The following PDE8B variants were observed in gnomAD, a reference collection of about 807,000 sequenced individuals.
PDE8B encodes the protein phosphodiesterase 8B, also known as high affinity cAMP-specific and IBMX-insensitive 3',5'-cyclic phosphodiesterase 8B.
A neutral mutation model predicts 101.3 loss-of-function variants in PDE8B; 26 were observed. That is an observed-to-expected ratio of 0.26 (90% confidence interval 0.19 to 0.36). The LOEUF (loss-of-function observed/expected upper bound fraction) is 0.36. PDE8B is among the 10% of genes least tolerant of loss of function. PDE8B has a pLI of 1.00. For synonymous variants in PDE8B, 424 were observed against 429.3 expected, an observed-to-expected ratio of 0.99 and a Z score of 0.15; for missense variants, 810 against 1,163.1, an observed-to-expected ratio of 0.70 and a Z score of 4.42.
chr5:77,240,754 GAAAT>G lies in PDE8B; in HGVS notation c.339+29494_339+29497del, dbSNP rs1319465460. Among the ~76,000 whole-genome samples, 3 of 152,168 alleles carry G rather than the reference GAAAT, an allele frequency of 2.0e-5. No individual in the cohort carries two copies. The East Asian group carries it at 5.8e-4, about 29-fold the overall frequency. On this transcript the variant is annotated intron_variant, in intron 1 of 21. Coordinates refer to ENST00000264917, the MANE Select transcript of PDE8B (RefSeq NM_003719.5). The stretch of plus-strand genomic sequence containing the variant: ...TTTTATGCAATAAGTGTTGTGAAAG[GAAAT>G]AAAGAAAGAAAAATACATAACTCTT...
In PDE8B at chr5:77,290,786, T is replaced by C. The variant is rs868535167; in HGVS notation, c.340-21208T>C. The stretch of plus-strand genomic sequence containing the variant: ...CATTCAATTTCCCTGTGGCAGTGTA[T>C]GGTTGGAACAACGCCATTGTCATGA... On this transcript the variant is annotated intron_variant, in intron 1 of 21. Coordinates refer to ENST00000264917, the MANE Select transcript of PDE8B (RefSeq NM_003719.5). The C allele has an allele frequency of 4.3e-5, 63 of 1,480,522 alleles. No homozygotes were observed. In the South Asian group the frequency reaches 5.1e-4, roughly 12 times the overall value. 91.7% of individuals were successfully genotyped at this position (1,480,522 alleles called of 1,614,324 possible).
At chr5:77,183,582 T>C in the PDE8B span, among the ~76,000 whole-genome samples, 2 of 152,220 alleles carry the variant, frequency 1.3e-5, no homozygotes, top group African/African-American at 4.8e-5. Context: ...GCCTACTACG[T>C]GTCAGATGCT....
chr5:77,146,886 C>A, the PDE8B span: 1 of 377,270 alleles, frequency 2.7e-6, no homozygotes, highest in Non-Finnish European at 5.3e-6. Flanking sequence ...TTTTCTTGTT[C>A]TGTTCTGAGT....
At chr5:77,372,219 C>CAAT (rs1785196778) in intron 10 of PDE8B, among the ~76,000 whole-genome samples, 1 of 152,042 alleles carries the variant, frequency 6.6e-6, no homozygotes, top group African/African-American at 2.4e-5. Flanking sequence ...ACAACAACAA[C>CAAT]AACAACAACA....
At chr5:77,421,348 T>A (rs1456169560) in intron 19 of PDE8B, among the ~76,000 whole-genome samples, 4 of 152,200 alleles carry the variant, frequency 2.6e-5, no homozygotes, top group African/African-American at 9.6e-5. Flanking sequence ...TAGGCATAAG[T>A]AGTAGAAATC....
intron 17 of PDE8B, among the ~76,000 whole-genome samples, chr5:77,414,940 A>G (rs966183321): frequency 1.3e-5 from 2 of 152,214 alleles, no homozygotes; most frequent in African/African-American, 2.4e-5. Context: ...TAACTTGATC[A>G]TATCTTACTA....
the PDE8B span, among the ~76,000 whole-genome samples, chr5:77,103,569 C>T: frequency 6.6e-6 from 1 of 152,160 alleles, no homozygotes; most frequent in East Asian, 1.9e-4. Flanking sequence ...GAACTTTGGG[C>T]ACTCTTGATG....
intron 19 of PDE8B, among the ~76,000 whole-genome samples, chr5:77,420,605 A>T (rs11738226): frequency 0.29 from 43,682 of 151,948 alleles, 6,537 homozygotes; most frequent in South Asian, 0.42. Flanking sequence ...AAGGAGATGA[A>T]CTGTGTAGGA....
In PDE8B at chr5:77,427,980, C is replaced by T. The variant is rs1344488380; in HGVS notation, c.*1426C>T. On this transcript the variant is annotated 3_prime_UTR_variant, in exon 22 of 22. Transcript: ENST00000264917. Reference sequence around the variant, plus strand: ...TACATGGGGAAAAAATGACTTATCACTACATAATGTGCCAATGTTTTTTTC... The same window carrying T: ...TACATGGGGAAAAAATGACTTATCATTACATAATGTGCCAATGTTTTTTTC... 1 of 152,170 alleles carries T rather than the reference C, an allele frequency of 6.6e-6. No individual in the cohort carries two copies. The highest frequency in any genetic ancestry group is 1.5e-5 in the Non-Finnish European group (1 of 68,038). The allele number at this position is 152,170 out of a possible 1,614,324, so 9.4% of individuals were successfully genotyped here.
intron 16 of PDE8B, 112 bp downstream of exon 16, chr5:77,412,347 C>A (rs1473054417): frequency 5.7e-6 from 6 of 1,060,566 alleles, no homozygotes; most frequent in Non-Finnish European, 8.6e-6. Context: ...CTCACGGGTT[C>A]TGGCTCTCAT....
chr5:77,256,633 TGG>T (rs1759238263), intron 1 of PDE8B, among the ~76,000 whole-genome samples: 1 of 152,204 alleles, frequency 6.6e-6, no homozygotes, highest in Admixed American at 6.5e-5. Flanking sequence ...ATAACTTCTA[TGG>T]TGTGTCCTGG....
chr5:77,113,760 C>T, the PDE8B span: 3 of 152,188 alleles, frequency 2.0e-5, no homozygotes, highest in Admixed American at 2.0e-4. Context: ...TTGCAATCTA[C>T]CCATCTGCCA....
chr5:77,185,496 C>T, the PDE8B span, among the ~76,000 whole-genome samples: 1 of 152,086 alleles, frequency 6.6e-6, no homozygotes, highest in Non-Finnish European at 1.5e-5. Flanking sequence ...AAAATTAATT[C>T]CTCTTTAAAG....
rs189859626 is a variant in PDE8B at position 77,291,753 on chromosome 5, A to G, written c.340-20241A>G. ...GTACATGAGAAGGTCTACTTGTACT[A>G]TCAACTACAGTAAAGACTTTCCTCT... On this transcript the variant is annotated intron_variant, in intron 1 of 21. Transcript: ENST00000264917. 2.5e-6 allele frequency: 4 copies of G among 1,584,502 alleles called. 1 individual carries two copies. Among genetic ancestry groups the G allele is most frequent in the African/African-American group, 2.7e-5 (2 of 74,422 alleles).
rs570925385 is a variant in PDE8B at position 77,275,159 on chromosome 5, G to A, written c.340-36835G>A. 2.6e-5 allele frequency among the ~76,000 whole-genome samples: 4 copies of A among 152,094 alleles called. No individual in the cohort carries two copies. The South Asian group carries it at 6.3e-4, about 24-fold the overall frequency. On this transcript the variant is annotated intron_variant, in intron 1 of 21. Transcript: ENST00000264917. The stretch of plus-strand genomic sequence containing the variant: ...AGGATCACCTGAGTTCAGGATTTGT[G>A]ACCAGCCTGGACAAAATAGTGAGAC...
At chr5:77,379,719 A>C (rs1057236559) in intron 10 of PDE8B, among the ~76,000 whole-genome samples, 1 of 152,178 alleles carries the variant, frequency 6.6e-6, no homozygotes, top group Admixed American at 6.5e-5. Context: ...TTGAGAAGTG[A>C]ATCTTCAAGT....
chr5:77,377,883 T>C (rs1035559943), intron 10 of PDE8B, among the ~76,000 whole-genome samples: 2 of 152,202 alleles, frequency 1.3e-5, no homozygotes, highest in African/African-American at 4.8e-5. Context: ...TCGGGACTTA[T>C]GCTACTGCCT....
At chr5:77,323,842 C>T (rs1029832523) in intron 2 of PDE8B, among the ~76,000 whole-genome samples, 5 of 151,972 alleles carry the variant, frequency 3.3e-5, no homozygotes, top group African/African-American at 1.2e-4. Context: ...GCCTGTAATC[C>T]CAGCTACTCG....
At chr5:77,210,433 G>T, upstream of PDE8B, 1 of 179,182 alleles carries the variant, frequency 5.6e-6, no homozygotes, top group South Asian at 1.7e-4. The surrounding 1 kb of genome is among the most constrained non-coding windows in gnomAD (Gnocchi z 4.9). Flanking sequence ...GGCACCTGAG[G>T]AGGAAGGAGG....
Sources: allele counts gnomAD v4.1 joint callset (sites outside exome capture counted in the v4.1 genomes callset), GRCh38; gene constraint gnomAD v4.1.1; non-coding constraint Gnocchi (gnomAD v3.1); transcripts MANE v1.5; gene names NCBI Gene and HGNC (gene_info 2026-07-23, HGNC 2026-07-21).